MYLK4: variants seen among roughly 807,000 people sequenced by gnomAD.
MYLK4 encodes the protein caMLCK like.
In MYLK4, 46 loss-of-function variants were observed where a neutral mutation model predicts 48.1. That is an observed-to-expected ratio of 0.96 (90% confidence interval 0.75 to 1.22). MYLK4 has a LOEUF of 1.22. MYLK4 is among the 50% of genes most tolerant of loss of function. The pLI, the probability that MYLK4 is intolerant of heterozygous loss-of-function variation, is 0.00. For synonymous variants in MYLK4, 170 were observed against 180.8 expected (o/e 0.94, Z 0.48); for missense variants, 451 against 486.1 (o/e 0.93, Z 0.68).
chr6:2,688,753 T>A, intron 4 of MYLK4, 98 bp downstream of exon 4: 1 of 920,186 alleles, frequency 1.1e-6, no homozygotes, highest in Non-Finnish European at 1.7e-6. Flanking sequence ...TTGTTTCTAA[T>A]GTTTCTAGTT....
intron 10 of MYLK4, among the ~76,000 whole-genome samples, chr6:2,677,554 C>A (rs1247788687): frequency 6.6e-6 from 1 of 152,208 alleles, no homozygotes; most frequent in Non-Finnish European, 1.5e-5. Context: ...TTCTAAAATG[C>A]AAATCCCTAT....
intron 2 of MYLK4, among the ~76,000 whole-genome samples, chr6:2,729,540 T>A (rs574430030): frequency 6.6e-6 from 1 of 152,296 alleles, no homozygotes; most frequent in African/African-American, 2.4e-5. Flanking sequence ...GGCCCTGTAT[T>A]TTTTCCCTTA....
chr6:2,668,596 T>A (rs1760754226), intron 12 of MYLK4, among the ~76,000 whole-genome samples: 1 of 152,206 alleles, frequency 6.6e-6, no homozygotes, highest in Admixed American at 6.5e-5. Context: ...CCACCAGATT[T>A]TTAAAATCAA....
the MYLK4 span, chr6:2,766,357 C>G: frequency 5.0e-6 from 8 of 1,610,196 alleles, no homozygotes; most frequent in South Asian, 1.1e-5. Flanking sequence ...AGAGCAAGGC[C>G]GTGGGCCAGG....
chr6:2,765,982 C>T, the MYLK4 span: 5 of 1,398,840 alleles, frequency 3.6e-6, no homozygotes, highest in Non-Finnish European at 4.7e-6. Flanking sequence ...CCAGCGGCGC[C>T]CGCCTTATCC....
In MYLK4 at chr6:2,703,665, C is replaced by CTTTTTTTTTTT. The variant is rs3055234; in HGVS notation, c.160-10817_160-10807dup. On this transcript the variant is annotated intron_variant, in intron 2 of 12. Transcript: ENST00000274643. Reference sequence around the variant, plus strand: ...TCAGGAAGGTTTCCCTTTGTGAATTCTTTTTTTTTTTTTTTTTTTTTTTTG... The same window carrying CTTTTTTTTTTT: ...TCAGGAAGGTTTCCCTTTGTGAATTCTTTTTTTTTTTTTTTTTTTTTTTTTTTTTTTTTTTG... Among the ~76,000 whole-genome samples the CTTTTTTTTTTT allele has an allele frequency of 4.5e-4, 43 of 95,146 alleles. 1 individual carries two copies. The highest frequency in any genetic ancestry group is 9.4e-4 in the African/African-American group (23 of 24,508). The allele number at this position is 95,146 out of a possible 152,430, so 62.4% of individuals were successfully genotyped here.
chr6:2,734,486 G>A (rs890246820), intron 2 of MYLK4, among the ~76,000 whole-genome samples: 7 of 152,054 alleles, frequency 4.6e-5, no homozygotes, highest in Non-Finnish European at 8.8e-5. Flanking sequence ...TGTCGGCCTG[G>A]GAAATCTAAT....
rs1760558926 is a variant in MYLK4 at position 2,664,311 on chromosome 6, T to C, written c.*3614A>G. 1.3e-5 allele frequency: 2 copies of C among 152,212 alleles called. No individual in the cohort carries two copies. The highest frequency in any genetic ancestry group is 1.3e-4 in the Admixed American group (2 of 15,286). The allele number at this position is 152,212 out of a possible 1,614,324, so 9.4% of individuals were successfully genotyped here. On this transcript the variant is annotated 3_prime_UTR_variant, in exon 13 of 13. Transcript: ENST00000274643. ...GTGGATATTGGGAAGTAGGCCGTGG[T>C]GATGCTGCAGCACACAGGGATGACA...
chr6:2,770,287 C>A, the MYLK4 span: 2 of 1,614,208 alleles, frequency 1.2e-6, no homozygotes, highest in South Asian at 2.2e-5. Context: ...GAGCGATCAA[C>A]TCCCTGGGAA....
chr6:2,750,207 C>A (rs955203577), intron 1 of MYLK4, among the ~76,000 whole-genome samples: 2 of 152,094 alleles, frequency 1.3e-5, no homozygotes, highest in African/African-American at 4.8e-5. Context: ...AGCGCCTCTT[C>A]GAGCATTTTC....
intron 9 of MYLK4, 123 bp from the exon 10 acceptor site, chr6:2,678,495 T>C (rs561064969): frequency 1.3e-4 from 135 of 1,071,022 alleles, no homozygotes; most frequent in Non-Finnish European, 1.7e-4. Context: ...TCCTGAAGCA[T>C]AATTTTATAA....
the MYLK4 span, among the ~76,000 whole-genome samples, chr6:2,763,608 G>A: frequency 1.3e-5 from 2 of 152,244 alleles, no homozygotes; most frequent in African/African-American, 4.8e-5. Flanking sequence ...GCGCTGGCCC[G>A]CAAGCACCGC....
chr6:2,769,248 C>T, the MYLK4 span, among the ~76,000 whole-genome samples: 3 of 152,006 alleles, frequency 2.0e-5, no homozygotes, highest in Admixed American at 6.5e-5. Context: ...ATTACTTTAA[C>T]AGTATTTTTA....
chr6:2,746,997 C>A (rs911554378), intron 2 of MYLK4, among the ~76,000 whole-genome samples: 1 of 152,184 alleles, frequency 6.6e-6, no homozygotes, highest in Non-Finnish European at 1.5e-5. Context: ...CCATTCTCCA[C>A]GTGGACGGAG....
chr6:2,716,108 T>C (rs1762855347), intron 2 of MYLK4, among the ~76,000 whole-genome samples: 1 of 152,254 alleles, frequency 6.6e-6, no homozygotes, highest in Non-Finnish European at 1.5e-5. Context: ...GTCTGAACAT[T>C]GTGGACAAGC....
intron 2 of MYLK4, among the ~76,000 whole-genome samples, chr6:2,698,755 G>A (rs934025982): frequency 6.6e-6 from 1 of 152,218 alleles, no homozygotes. Flanking sequence ...TACTTCTAGA[G>A]ATTGTTTGTA....
intron 2 of MYLK4, among the ~76,000 whole-genome samples, chr6:2,748,181 T>C (rs1168781381): frequency 1.3e-5 from 2 of 152,202 alleles, no homozygotes; most frequent in African/African-American, 4.8e-5. Flanking sequence ...TTATCAAAAA[T>C]AATGGTTCCC....
chr6:2,741,931 G>C (rs1272532620), intron 2 of MYLK4, among the ~76,000 whole-genome samples: 1 of 152,264 alleles, frequency 6.6e-6, no homozygotes, highest in East Asian at 1.9e-4. Context: ...TTTCCCATAG[G>C]AGAAATGTAG....
the MYLK4 span, chr6:2,766,249 C>T: frequency 6.6e-6 from 10 of 1,509,314 alleles, no homozygotes; most frequent in African/African-American, 5.6e-5. Context: ...GCCGCCCGCA[C>T]CCCCGGGCGC....
Sources: allele counts gnomAD v4.1 joint callset (sites outside exome capture counted in the v4.1 genomes callset), GRCh38; gene constraint gnomAD v4.1.1; transcripts MANE v1.5; gene names NCBI Gene and HGNC (gene_info 2026-07-23, HGNC 2026-07-21).